MTHFD1L: variants seen among roughly 807,000 people sequenced by gnomAD.
MTHFD1L encodes monofunctional C1-tetrahydrofolate synthase, mitochondrial.
In MTHFD1L, 81 loss-of-function variants were observed where a neutral mutation model predicts 119.5. The observed-to-expected ratio is 0.68, with a 90% CI of 0.57 to 0.82. The LOEUF is 0.82. Among genes scored for constraint, MTHFD1L ranks in the 40% least tolerant of loss-of-function variants. MTHFD1L has a pLI of 0.00. For synonymous variants in MTHFD1L, 430 were observed against 475.2 expected, an observed-to-expected ratio of 0.90 and a Z score of 1.24; for missense variants, 1,125 against 1,253.4, an observed-to-expected ratio of 0.90 and a Z score of 1.55.
chr6:150,877,519 C>T, intron 2 of MTHFD1L, 115 bp from the exon 3 acceptor site: 2 of 1,175,706 alleles, frequency 1.7e-6, no homozygotes, highest in Non-Finnish European at 2.4e-6. Context: ...TTTTCTGCAC[C>T]TTCCATATTA....
intron 24 of MTHFD1L, among the ~76,000 whole-genome samples, chr6:151,031,087 G>C (rs891803434): frequency 6.6e-6 from 1 of 152,130 alleles, no homozygotes; most frequent in Non-Finnish European, 1.5e-5. Context: ...TTGTACTCAG[G>C]CAGTAACTCT....
chr6:151,074,238 A>T (rs1792275319), intron 26 of MTHFD1L, among the ~76,000 whole-genome samples: 1 of 152,248 alleles, frequency 6.6e-6, no homozygotes, highest in Non-Finnish European at 1.5e-5. Flanking sequence ...TGTTACAGAA[A>T]TTCCTGCTGG....
At chr6:151,021,191 C>T (rs1376012976) in intron 24 of MTHFD1L, among the ~76,000 whole-genome samples, 1 of 152,234 alleles carries the variant, frequency 6.6e-6, no homozygotes, top group Non-Finnish European at 1.5e-5. Flanking sequence ...GTGACACCAA[C>T]TTCACCAAGT....
chr6:151,051,113 C>T (rs750557624), intron 26 of MTHFD1L, among the ~76,000 whole-genome samples: 43 of 152,126 alleles, frequency 2.8e-4, no homozygotes, highest in Admixed American at 2.6e-3. Context: ...AGGCCCACCC[C>T]GTCACTCCAT....
chr6:150,944,518 C>T lies in MTHFD1L; in HGVS notation c.1473C>T (p.Ala491=), dbSNP rs1174231973. Residue 491 remains alanine, a synonymous_variant, in exon 14 of 28, where the codon GCC becomes GCT. Coordinates refer to ENST00000367321, the MANE Select transcript of MTHFD1L (RefSeq NM_015440.5). ...TTCACTTGACTGGAGACATCCACGC[C>T]ATCACCGCTGCCAATAACTTGCTGG... ...FNLHLTGDIH[A]ITAANNLLAA... is the part of the protein sequence containing the mutation. 6.2e-7 allele frequency: 1 copy of T among 1,613,960 alleles called. No individual in the cohort carries two copies. The highest frequency in any genetic ancestry group is 2.2e-5 in the East Asian group (1 of 44,884).
intron 24 of MTHFD1L, among the ~76,000 whole-genome samples, chr6:151,024,120 T>C (rs1784322851): frequency 6.6e-6 from 1 of 152,068 alleles, no homozygotes; most frequent in Admixed American, 6.5e-5. Flanking sequence ...TTTAATAAAG[T>C]ACAAGGGCTC....
At chr6:150,875,088 C>G (rs1486801900) in intron 1 of MTHFD1L, among the ~76,000 whole-genome samples, 1 of 151,430 alleles carries the variant, frequency 6.6e-6, no homozygotes, top group Non-Finnish European at 1.5e-5. Context: ...TTGAGTCTTG[C>G]TCTGCCACCC....
intron 26 of MTHFD1L, among the ~76,000 whole-genome samples, chr6:151,083,267 G>C (rs1053833264): frequency 1.3e-5 from 2 of 151,682 alleles, no homozygotes; most frequent in East Asian, 3.9e-4. Flanking sequence ...GTGCCATCTC[G>C]GCTCACTGCA....
intron 11 of MTHFD1L, among the ~76,000 whole-genome samples, chr6:150,931,826 G>A (rs6922248): frequency 0.35 from 52,478 of 152,052 alleles, 10,612 homozygotes; most frequent in African/African-American, 0.56. Flanking sequence ...TACTTTGACA[G>A]TTTTTACTGT....
intron 24 of MTHFD1L, among the ~76,000 whole-genome samples, chr6:151,031,482 C>T (rs1018223822): frequency 2.0e-5 from 3 of 152,226 alleles, no homozygotes; most frequent in Non-Finnish European, 2.9e-5. Flanking sequence ...GAAGAGGATG[C>T]TCACATGTGC....
chr6:150,970,855 C>T (rs1211484031), intron 19 of MTHFD1L, among the ~76,000 whole-genome samples: 2 of 152,138 alleles, frequency 1.3e-5, no homozygotes, highest in African/African-American at 4.8e-5. Flanking sequence ...ATTTTTTTCT[C>T]ACCAACTCCA....
chr6:150,968,012 C>A (rs1372025867), intron 19 of MTHFD1L, among the ~76,000 whole-genome samples: 1 of 151,972 alleles, frequency 6.6e-6, no homozygotes, highest in Non-Finnish European at 1.5e-5. Flanking sequence ...TCTGGGGGAC[C>A]TTTGCACGGC....
At chr6:150,960,235 G>A in intron 17 of MTHFD1L, 40 bp from the exon 18 acceptor site, 6 of 1,572,574 alleles carry the variant, frequency 3.8e-6, no homozygotes, top group Non-Finnish European at 5.2e-6. Flanking sequence ...CATCCCACTG[G>A]CACTGTCGCT....
intron 19 of MTHFD1L, among the ~76,000 whole-genome samples, chr6:150,971,565 T>C (rs1029589528): frequency 1.3e-5 from 2 of 152,192 alleles, no homozygotes; most frequent in Non-Finnish European, 2.9e-5. Flanking sequence ...AAAATAAATA[T>C]ACCTTTTATA....
At chr6:151,017,762 A>G (rs943388706) in intron 24 of MTHFD1L, among the ~76,000 whole-genome samples, 1 of 151,226 alleles carries the variant, frequency 6.6e-6, no homozygotes, top group Non-Finnish European at 1.5e-5. Context: ...ATTGTAAGTA[A>G]TGCTGTATGA....
intron 26 of MTHFD1L, among the ~76,000 whole-genome samples, chr6:151,047,949 G>A (rs1444610700): frequency 6.6e-6 from 1 of 152,118 alleles, no homozygotes; most frequent in African/African-American, 2.4e-5. Flanking sequence ...GAAGGCAAAG[G>A]GGAAGCAAGC....
chr6:151,016,706 A>G (rs1264154235), intron 24 of MTHFD1L: 2 of 304,502 alleles, frequency 6.6e-6, no homozygotes, highest in Non-Finnish European at 6.2e-6. Flanking sequence ...ATATACATAC[A>G]TAATATATTT....
chr6:150,874,360 C>T (rs1160923934), intron 1 of MTHFD1L, among the ~76,000 whole-genome samples: 2 of 152,194 alleles, frequency 1.3e-5, no homozygotes, highest in African/African-American at 4.8e-5. Flanking sequence ...AAAGACTGGT[C>T]CTGGTTGTGA....
At position 150,965,034 on chromosome 6, in the gene MTHFD1L, G is replaced by A. The variant is rs367774759; in HGVS notation, c.2010G>A (p.Leu670=). ...DAIKPNLMQT[L]EGTPVFVHAG... The stretch of plus-strand genomic sequence containing the variant: ...TAAAACCAAACCTGATGCAGACCCT[G>A]GAAGTAAGTGGTTTTCTTCTTATAG... Residue 670 remains leucine (L), a synonymous_variant, in exon 19 of 28, where the codon CTG becomes CTA. Coordinates refer to ENST00000367321, the MANE Select transcript of MTHFD1L (RefSeq NM_015440.5). 29 of 1,613,578 alleles carry A rather than the reference G, an allele frequency of 1.8e-5. No individual in the cohort carries two copies. Among genetic ancestry groups the A allele is most frequent in the Non-Finnish European group, 2.5e-5 (29 of 1,179,674 alleles).
Sources: gnomAD v4.1 joint callset for allele counts (sites outside exome capture counted in the v4.1 genomes callset) on GRCh38, gnomAD v4.1.1 for gene constraint, MANE v1.5 for transcripts, NCBI Gene and HGNC (gene_info 2026-07-23, HGNC 2026-07-21) for gene names.